Variants in MYO9A observed in about 807,000 individuals in gnomAD.
MYO9A encodes the protein unconventional myosin-IXa.
Under a neutral mutation model 293.3 loss-of-function variants are expected in MYO9A, and 103 were observed. The ratio of observed to expected loss-of-function variants is 0.35; its 90% CI spans 0.30 to 0.41. The LOEUF (loss-of-function observed/expected upper bound fraction) is 0.41, where lower values mean the gene tolerates loss of function less well. Ranked by LOEUF, MYO9A falls within the 10% of genes least tolerant of loss-of-function variation. The pLI is 1.00. For synonymous variants in MYO9A, 1,001 were observed against 1,035.7 expected, an observed-to-expected ratio of 0.97 and a Z score of 0.64; for missense variants, 2,685 against 3,033.0, an observed-to-expected ratio of 0.89 and a Z score of 2.69.
intron 10 of MYO9A, among the ~76,000 whole-genome samples, chr15:71,992,237 A>G (rs2076562881): frequency 6.6e-6 from 1 of 152,206 alleles, no homozygotes; most frequent in Non-Finnish European, 1.5e-5. Flanking sequence ...TACAGAACAT[A>G]AATGCTTATA....
chr15:72,077,694 C>T (rs960541119), intron 1 of MYO9A, among the ~76,000 whole-genome samples: 3 of 140,264 alleles, frequency 2.1e-5, no homozygotes, highest in African/African-American at 5.3e-5. Context: ...CATGCCATTG[C>T]ACTCCAGCCT....
Position 71,999,916 on chromosome 15 carries a change from C to A in MYO9A, c.1405G>T (p.Ala469Ser). The A allele has an allele frequency of 1.2e-6, 2 of 1,612,170 alleles. No individual in the cohort carries two copies. The highest frequency in any genetic ancestry group is 8.5e-7 in the Non-Finnish European group (1 of 1,179,262). ...GTCACCGTCTTCCTTGTAACTAATG[C>A]TTCAAATAGCATCTCTTCTTTAACC... Reference protein sequence around the residue: ...LEVKEEMLFEALVTRKTVTVG... With the variant: ...LEVKEEMLFESLVTRKTVTVG... Residue 469 changes from alanine (A) to serine (S), a missense_variant, in exon 9 of 42, where the codon GCA (alanine) becomes TCA (serine). This residue lies in a region of MYO9A where 289 missense variants were observed against 456.8 expected (regional missense o/e 0.63). Transcript: ENST00000356056.
intron 1 of MYO9A, among the ~76,000 whole-genome samples, chr15:72,101,323 G>T (rs1162889369): frequency 7.0e-6 from 1 of 143,132 alleles, no homozygotes; most frequent in Non-Finnish European, 1.5e-5. Flanking sequence ...CAGCCGCCCC[G>T]TCCGGGAGGG....
At chr15:71,979,682 G>A (rs2147892666) in intron 11 of MYO9A, among the ~76,000 whole-genome samples, 1 of 152,302 alleles carries the variant, frequency 6.6e-6, no homozygotes, top group South Asian at 2.1e-4. Flanking sequence ...CTTTGTCAAT[G>A]TAACAGCTGA....
intron 1 of MYO9A, among the ~76,000 whole-genome samples, chr15:72,067,105 TC>T (rs2079044862): frequency 6.8e-6 from 1 of 147,062 alleles, no homozygotes; most frequent in South Asian, 2.1e-4. Context: ...CATAATATAA[TC>T]TTATATGATA....
At chr15:72,028,656 AAAAAG>A (rs1173362275) in intron 3 of MYO9A, among the ~76,000 whole-genome samples, 1 of 151,778 alleles carries the variant, frequency 6.6e-6, no homozygotes, top group East Asian at 1.9e-4. Flanking sequence ...TCAAAAAAAA[AAAAAG>A]AAGTTTAAAA....
At chr15:71,933,857 T>G (rs990685759) in intron 17 of MYO9A, 148 bp from the exon 18 acceptor site, 3 of 688,454 alleles carry the variant, frequency 4.4e-6, no homozygotes, top group Non-Finnish European at 7.5e-6. Flanking sequence ...ATGAAAACAC[T>G]ATCTGATTCA....
At chr15:71,971,071 G>A (rs941107861) in intron 12 of MYO9A, among the ~76,000 whole-genome samples, 3 of 151,616 alleles carry the variant, frequency 2.0e-5, no homozygotes, top group African/African-American at 7.3e-5. Context: ...TGAGGCAGCA[G>A]AATGGCATTA....
Position 71,825,995 on chromosome 15 carries a change from G to GTTTTTTTTTTTTTTTTTTTT in MYO9A, c.*584_*585insAAAAAAAAAAAAAAAAAAAA, listed in dbSNP as rs11368306. ...ATGGAAACAATCACGGTTTTTTTTT[G>GTTTTTTTTTTTTTTTTTTTT]TTTTTTTTTTTTTGTTTTTTTTTTT... On this transcript the variant is annotated 3_prime_UTR_variant, in exon 42 of 42. Coordinates refer to ENST00000356056, the MANE Select transcript of MYO9A (RefSeq NM_006901.4). 4 of 91,518 alleles carry GTTTTTTTTTTTTTTTTTTTT rather than the reference G, an allele frequency of 4.4e-5. No homozygotes were observed. The highest frequency in any genetic ancestry group is 3.7e-4 in the South Asian group (1 of 2,732). The allele number at this position is 91,518 out of a possible 1,614,324, so 5.7% of individuals were successfully genotyped here.
At chr15:72,092,655 C>T (rs933566865) in intron 1 of MYO9A, among the ~76,000 whole-genome samples, 2 of 152,240 alleles carry the variant, frequency 1.3e-5, no homozygotes. Flanking sequence ...AACCAATCAG[C>T]TCTGCTGTTG....
chr15:72,042,239 C>A (rs1407537297), intron 2 of MYO9A, among the ~76,000 whole-genome samples: 1 of 150,364 alleles, frequency 6.7e-6, no homozygotes, highest in Non-Finnish European at 1.5e-5. Flanking sequence ...ATGGTGCATG[C>A]CTATAATCTC....
rs66924608 is a variant in MYO9A at position 71,935,903 on chromosome 15, T to TACACACACAC, written c.2379-429_2379-420dup. Reference sequence around the variant, plus strand: ...TAATTTCCTCCTGAAAGGTCTTATTTACACACACACACACACACACACACA... The same window carrying TACACACACAC: ...TAATTTCCTCCTGAAAGGTCTTATTTACACACACACACACACACACACACACACACACACA... On this transcript the variant is annotated intron_variant, in intron 16 of 41. Coordinates refer to ENST00000356056, the MANE Select transcript of MYO9A (RefSeq NM_006901.4). Among the ~76,000 whole-genome samples, 107 of 148,106 alleles carry TACACACACAC rather than the reference T, an allele frequency of 7.2e-4. 1 individual carries two copies. Among genetic ancestry groups the TACACACACAC allele is most frequent in the South Asian group, 3.2e-3 (15 of 4,630 alleles).
chr15:72,062,976 C>T (rs943243339), intron 1 of MYO9A, among the ~76,000 whole-genome samples: 2 of 152,202 alleles, frequency 1.3e-5, no homozygotes, highest in East Asian at 1.9e-4. Flanking sequence ...GAGCCGTGAT[C>T]GTGCCACTGC....
intron 13 of MYO9A, among the ~76,000 whole-genome samples, chr15:71,961,924 A>G (rs1425624085): frequency 6.6e-6 from 1 of 151,880 alleles, no homozygotes; most frequent in African/African-American, 2.4e-5. Context: ...GAGTCTTGCC[A>G]TGTTGCCCAG....
At chr15:71,863,645 G>A (rs1356819083) in intron 32 of MYO9A, among the ~76,000 whole-genome samples, 1 of 152,118 alleles carries the variant, frequency 6.6e-6, no homozygotes, top group East Asian at 1.9e-4. Context: ...GAAAATGAAG[G>A]AATATAATTT....
chr15:72,056,838 AGTGG>A (rs2078733355), intron 1 of MYO9A, among the ~76,000 whole-genome samples: 1 of 152,140 alleles, frequency 6.6e-6, no homozygotes, highest in Non-Finnish European at 1.5e-5. Flanking sequence ...GGCTGGGCAC[AGTGG>A]CTCACACCTG....
intron 8 of MYO9A, among the ~76,000 whole-genome samples, chr15:72,003,596 C>T (rs898651519): frequency 1.3e-5 from 2 of 150,480 alleles, no homozygotes; most frequent in Non-Finnish European, 2.9e-5. Flanking sequence ...CCCAGCTATT[C>T]GGGAAGCTGA....
chr15:71,881,772 A>G (rs1288153897), intron 28 of MYO9A, among the ~76,000 whole-genome samples: 1 of 152,210 alleles, frequency 6.6e-6, no homozygotes, highest in African/African-American at 2.4e-5. Context: ...TCTGCTTATA[A>G]TATGAATTTT....
At chr15:72,060,665 T>C (rs1168910391) in intron 1 of MYO9A, among the ~76,000 whole-genome samples, 1 of 152,284 alleles carries the variant, frequency 6.6e-6, no homozygotes, top group African/African-American at 2.4e-5. Context: ...CAGAGAGGAA[T>C]TGTCCATCCC....
Sources: gnomAD v4.1 joint callset for allele counts (sites outside exome capture counted in the v4.1 genomes callset) on GRCh38, gnomAD v4.1.1 for gene constraint, gnomAD v4.1.1 regional missense constraint, MANE v1.5 for transcripts, NCBI Gene and HGNC (gene_info 2026-07-23, HGNC 2026-07-21) for gene names.